The following DCAF7 variants were observed in gnomAD, a reference collection of about 807,000 sequenced individuals.
DCAF7 encodes DDB1- and CUL4-associated factor 7.
In DCAF7, 4 loss-of-function variants were observed where a neutral mutation model predicts 41.2. The ratio of observed to expected loss-of-function variants is 0.10; its 90% CI spans 0.05 to 0.22. The LOEUF is 0.22. DCAF7 is among the 10% of genes least tolerant of loss of function. The pLI, the probability that DCAF7 is intolerant of heterozygous loss-of-function variation, is 1.00. For synonymous variants in DCAF7, 143 were observed against 164.2 expected (o/e 0.87, Z 0.99); for missense variants, 131 against 443.2 (o/e 0.30, Z 6.32).
At chr17:63,559,377 G>GTATATATATATGTA (rs10637227) in intron 1 of DCAF7, among the ~76,000 whole-genome samples, 1 of 114,170 alleles carries the variant, frequency 8.8e-6, no homozygotes, top group Non-Finnish European at 1.6e-5. Flanking sequence ...ATATATATGT[G>GTATATATATATGTA]TATATATATG....
chr17:63,576,210 G>A (rs144489028), intron 1 of DCAF7, among the ~76,000 whole-genome samples: 115 of 152,306 alleles, frequency 7.6e-4, no homozygotes, highest in African/African-American at 2.7e-3. Flanking sequence ...GGGAGGCCGA[G>A]GCGTGTGGAT....
At chr17:63,566,228 G>A (rs374428613) in intron 1 of DCAF7, among the ~76,000 whole-genome samples, 24 of 152,146 alleles carry the variant, frequency 1.6e-4, no homozygotes, top group African/African-American at 4.1e-4. Context: ...AAAATTAGCC[G>A]GGCGTGGTGG....
chr17:63,570,180 G>A (rs969529871), intron 1 of DCAF7, among the ~76,000 whole-genome samples: 1 of 152,100 alleles, frequency 6.6e-6, no homozygotes, highest in Non-Finnish European at 1.5e-5. Flanking sequence ...AAGGCAAGGC[G>A]TGATGGCTCA....
intron 1 of DCAF7, 142 bp from the exon 2 acceptor site, chr17:63,578,328 C>T (rs2033584649): frequency 2.6e-6 from 3 of 1,144,340 alleles, no homozygotes; most frequent in African/African-American, 1.6e-5. Context: ...TGCACCACTG[C>T]ACTCCAGCCT....
At chr17:63,557,289 G>GCA (rs1032210317) in intron 1 of DCAF7, among the ~76,000 whole-genome samples, 3 of 152,130 alleles carry the variant, frequency 2.0e-5, no homozygotes, top group Non-Finnish European at 4.4e-5. Context: ...AGCTGGCAGA[G>GCA]CACACAGGAA....
Position 63,592,021 on chromosome 17 carries a change from A to T in DCAF7, c.*2849A>T, listed in dbSNP as rs1411997431. The T allele has an allele frequency of 6.6e-6, 1 of 152,228 alleles. No individual in the cohort carries two copies. The highest frequency in any genetic ancestry group is 1.5e-5 in the Non-Finnish European group (1 of 68,064). The allele number at this position is 152,228 out of a possible 1,614,324, so 9.4% of individuals were successfully genotyped here. On this transcript the variant is annotated 3_prime_UTR_variant, in exon 7 of 7. Transcript: ENST00000614556. The stretch of plus-strand genomic sequence containing the variant: ...TGGGTCCACGTCATTCAAGGACCTG[A>T]ATTTTTTATGCTCAGGAGCATTGGA...
chr17:63,574,242 A>G (rs962829600), intron 1 of DCAF7, among the ~76,000 whole-genome samples: 13 of 152,114 alleles, frequency 8.5e-5, no homozygotes, highest in African/African-American at 2.9e-4. Flanking sequence ...TCAGATGCTT[A>G]CTTTTTTCCT....
rs116901530 is a variant in DCAF7 at position 63,589,765 on chromosome 17, G to A, written c.*593G>A. ...ACCTTCTTCTCTTCCCTCAGTGCCT[G>A]GAGCTGGTACTGGGCCCCTGGCCCC... is the stretch of plus-strand genomic sequence containing the variant. On this transcript the variant is annotated 3_prime_UTR_variant, in exon 7 of 7. Transcript: ENST00000614556. 1,368 of 170,686 alleles carry A rather than the reference G, an allele frequency of 8.0e-3. 6 individuals are homozygous for A. The highest frequency in any genetic ancestry group is 0.019 in the Middle Eastern group (6 of 322). 10.6% of individuals were successfully genotyped at this position (170,686 alleles called of 1,614,324 possible). A position where few individuals can be genotyped will look rare whatever the true frequency, so the allele number is the denominator to read the frequency against.
chr17:63,578,453 A>C lies in DCAF7; in HGVS notation c.139-17A>C, dbSNP rs759232317. 1 of 1,613,958 alleles carries C rather than the reference A, an allele frequency of 6.2e-7. No homozygotes were observed. The highest frequency in any genetic ancestry group is 1.1e-5 in the South Asian group (1 of 91,086). On this transcript the variant is annotated splice_polypyrimidine_tract_variant and intron_variant, in intron 1 of 6. Coordinates refer to ENST00000614556, the MANE Select transcript of DCAF7 (RefSeq NM_005828.5). Reference sequence around the variant, plus strand: ...TGCTCACAAATGCTTATGTGGCTCAACTTTGGTATGTTACAGGTTCAGCTT... The same window carrying C: ...TGCTCACAAATGCTTATGTGGCTCACCTTTGGTATGTTACAGGTTCAGCTT...
intron 1 of DCAF7, among the ~76,000 whole-genome samples, chr17:63,564,648 G>T (rs2033421426): frequency 1.3e-5 from 2 of 152,208 alleles, no homozygotes; most frequent in African/African-American, 4.8e-5. Context: ...GGATGGTCAG[G>T]CCCATTCTGA....
At chr17:63,559,407 ATG>A (rs58268977) in intron 1 of DCAF7, among the ~76,000 whole-genome samples, 1,190 of 107,218 alleles carry the variant, frequency 0.011, 44 homozygotes, top group African/African-American at 0.046. Context: ...ATGTATATAT[ATG>A]TATATATATA....
intron 1 of DCAF7, among the ~76,000 whole-genome samples, chr17:63,557,252 G>A (rs998847361): frequency 6.6e-6 from 1 of 152,140 alleles, no homozygotes; most frequent in African/African-American, 2.4e-5. Flanking sequence ...GGTAAAATAA[G>A]GCATGGCAAA....
intron 1 of DCAF7, among the ~76,000 whole-genome samples, chr17:63,558,902 A>G (rs1011713080): frequency 2.6e-5 from 4 of 152,242 alleles, no homozygotes; most frequent in African/African-American, 9.6e-5. Flanking sequence ...ATGCAAAGAT[A>G]TAATAAATAA....
At chr17:63,565,311 A>G (rs2033428543) in intron 1 of DCAF7, among the ~76,000 whole-genome samples, 2 of 152,068 alleles carry the variant, frequency 1.3e-5, no homozygotes, top group Non-Finnish European at 2.9e-5. Flanking sequence ...ATGGTGGCTC[A>G]CACCTGCAAT....
intron 1 of DCAF7, among the ~76,000 whole-genome samples, chr17:63,562,818 TTTTC>T (rs2033398289): frequency 1.5e-5 from 2 of 129,702 alleles, no homozygotes; most frequent in Non-Finnish European, 1.6e-5. Flanking sequence ...GCAGAAAATA[TTTTC>T]TTTTTTTTTT....
At position 63,594,209 on chromosome 17, in the gene DCAF7, G is replaced by A. The variant is rs1424532709; in HGVS notation, c.*5037G>A. 2.6e-5 allele frequency: 4 copies of A among 152,560 alleles called. No homozygotes were observed. Among genetic ancestry groups the A allele is most frequent in the Non-Finnish European group, 5.9e-5 (4 of 68,026 alleles). 9.5% of individuals were successfully genotyped at this position (152,560 alleles called of 1,614,324 possible). On this transcript the variant is annotated 3_prime_UTR_variant, in exon 7 of 7. Coordinates refer to ENST00000614556, the MANE Select transcript of DCAF7 (RefSeq NM_005828.5). ...CCCTTTCATTCTGTTTCAGCCTCCT[G>A]TATAAGAAGTACCGTATTTTCTGCC...
chr17:63,568,341 T>C (rs1388102729), intron 1 of DCAF7, among the ~76,000 whole-genome samples: 1 of 152,222 alleles, frequency 6.6e-6, no homozygotes, highest in Non-Finnish European at 1.5e-5. Context: ...GAATTGGGCA[T>C]GCCCTAAGAT....
chr17:63,588,799 A>T lies in DCAF7; in HGVS notation c.857-201A>T, dbSNP rs1026939506. 2.6e-5 allele frequency among the ~76,000 whole-genome samples: 4 copies of T among 152,202 alleles called. No homozygotes were observed. In the East Asian group the frequency reaches 7.7e-4, roughly 29 times the overall value. ...GATTTGAGTTCTGGCTCTGCCACTC[A>T]CTTGGCTGAATAGCTGTGTGATTTG... On this transcript the variant is annotated intron_variant, in intron 6 of 6. Coordinates refer to ENST00000614556, the MANE Select transcript of DCAF7 (RefSeq NM_005828.5).
chr17:63,581,780 AAC>A (rs961970091), intron 4 of DCAF7, among the ~76,000 whole-genome samples: 3 of 152,216 alleles, frequency 2.0e-5, no homozygotes, highest in Non-Finnish European at 4.4e-5. Context: ...GCTCTAGAGA[AAC>A]AGTAATAGCA....
Sources: gnomAD v4.1 joint callset for allele counts (sites outside exome capture counted in the v4.1 genomes callset) on GRCh38, gnomAD v4.1.1 for gene constraint, MANE v1.5 for transcripts, NCBI Gene and HGNC (gene_info 2026-07-23, HGNC 2026-07-21) for gene names.